CDH4: variants seen among roughly 807,000 people sequenced by gnomAD.
CDH4 encodes the protein cadherin 4.
A neutral mutation model predicts 86.0 loss-of-function variants in CDH4; 33 were observed. That is an observed-to-expected ratio of 0.38 (90% CI 0.29 to 0.51). The LOEUF is 0.51. Among genes scored for constraint, CDH4 ranks in the 20% least tolerant of loss-of-function variants. The pLI is 0.86. For missense variants in CDH4, 1,114 were observed against 1,307.4 expected, an observed-to-expected ratio of 0.85 and a Z score of 2.28; for synonymous variants, 555 against 549.4, an observed-to-expected ratio of 1.01 and a Z score of -0.14.
rs543088280 is a variant in CDH4, at chr20:61,683,490, C to T, written c.170-60073C>T. Reference sequence around the variant, plus strand: ...CGTGGAGGCCCGTGGGCAGGTGCCCCGGGAGTGCGGCCCAGGCAGATGGTA... The same window carrying T: ...CGTGGAGGCCCGTGGGCAGGTGCCCTGGGAGTGCGGCCCAGGCAGATGGTA... On this transcript the variant is annotated intron_variant, in intron 2 of 15. Transcript: ENST00000614565. Among the ~76,000 whole-genome samples the T allele has an allele frequency of 5.1e-4, 78 of 152,214 alleles. 1 individual carries two copies. The highest frequency in any genetic ancestry group is 6.8e-3 in the Middle Eastern group (2 of 294).
intron 2 of CDH4, among the ~76,000 whole-genome samples, chr20:61,279,038 TTC>T (rs1168159422): frequency 6.6e-6 from 1 of 152,232 alleles, no homozygotes; most frequent in Non-Finnish European, 1.5e-5. Context: ...TGTGGCTCCC[TTC>T]TCTCTTATTC....
chr20:61,542,720 A>T (rs2086049817), intron 2 of CDH4, among the ~76,000 whole-genome samples: 2 of 152,344 alleles, frequency 1.3e-5, no homozygotes, highest in Admixed American at 1.3e-4. Flanking sequence ...CCTCTTAATA[A>T]ATAGCTCTGG....
At chr20:61,654,174 G>A (rs1258400732) in intron 2 of CDH4, among the ~76,000 whole-genome samples, 3 of 152,206 alleles carry the variant, frequency 2.0e-5, no homozygotes, top group East Asian at 3.8e-4. Flanking sequence ...TGCAATCCCA[G>A]CACCTCGGGA....
intron 2 of CDH4, among the ~76,000 whole-genome samples, chr20:61,542,917 C>G (rs983875635): frequency 1.3e-5 from 2 of 152,240 alleles, no homozygotes; most frequent in Non-Finnish European, 2.9e-5. Flanking sequence ...AGTAGGGAAG[C>G]CGACAGTGCA....
intron 2 of CDH4, among the ~76,000 whole-genome samples, chr20:61,721,521 A>G (rs144987372): frequency 3.9e-5 from 6 of 152,368 alleles, no homozygotes; most frequent in Admixed American, 2.6e-4. Context: ...GTAAAATGTC[A>G]TATAACTTTT....
intron 2 of CDH4, chr20:61,437,473 G>A (rs1321490179): frequency 6.6e-6 from 1 of 152,196 alleles, no homozygotes; most frequent in African/African-American, 2.4e-5. Context: ...GGCACAGCAA[G>A]TCCTTGTGCC....
intron 12 of CDH4, among the ~76,000 whole-genome samples, chr20:61,929,029 GT>G (rs1182640510): frequency 6.6e-6 from 1 of 152,002 alleles, no homozygotes; most frequent in East Asian, 1.9e-4. Flanking sequence ...TGAATTGTCT[GT>G]TCAATGACTT....
At chr20:61,469,776 A>G (rs1286668970) in intron 2 of CDH4, among the ~76,000 whole-genome samples, 1 of 152,124 alleles carries the variant, frequency 6.6e-6, no homozygotes, top group Non-Finnish European at 1.5e-5. Context: ...TCTTCTGCAT[A>G]TGGATATCCA....
At chr20:61,890,254 T>G (rs1984759468) in intron 7 of CDH4, among the ~76,000 whole-genome samples, 1 of 150,450 alleles carries the variant, frequency 6.6e-6, no homozygotes, top group African/African-American at 2.5e-5. Flanking sequence ...GATGGATGCA[T>G]AGATGGATAA....
chr20:61,924,396 C>T lies in CDH4; in HGVS notation c.1691C>T (p.Thr564Ile), dbSNP rs140692690. The change falls in exon 11 of 16, where the codon ACC becomes ATC. Residue 564 changes from threonine (T) to isoleucine (I), a missense_variant. Physicochemically the swap from Thr to Ile is moderately conservative, Grantham distance 89. Transcript: ENST00000614565. ...LHINATNGQI[T>I]TAAVLDRESL... ...ATCAATGCCACCAACGGCCAGATCA[C>T]CACGGCGGCAGTGCTGGACCGTGAG... is the stretch of plus-strand genomic sequence containing the variant. 128 of 1,613,816 alleles carry T rather than the reference C, an allele frequency of 7.9e-5. No individual in the cohort carries two copies. The highest frequency in any genetic ancestry group is 9.9e-5 in the Non-Finnish European group (117 of 1,179,990).
rs185054267 is a variant in CDH4, at chr20:61,292,803, T to G, written c.169+37866T>G. 2.3e-3 allele frequency among the ~76,000 whole-genome samples: 346 copies of G among 152,374 alleles called. 1 individual carries two copies. Among genetic ancestry groups the G allele is most frequent in the African/African-American group, 7.9e-3 (328 of 41,582 alleles). ...CTGTTTTTGTTTTTGTTTTTGTTTT[T>G]GTAGCAACCTCTGTTCAATGAAGGA... On this transcript the variant is annotated intron_variant, in intron 2 of 15. Coordinates refer to ENST00000614565, the MANE Select transcript of CDH4 (RefSeq NM_001794.5).
At chr20:61,605,469 CTATT>C (rs1182613763) in intron 2 of CDH4, among the ~76,000 whole-genome samples, 3 of 151,864 alleles carry the variant, frequency 2.0e-5, no homozygotes, top group Non-Finnish European at 4.4e-5. Flanking sequence ...CTCTGTCTCT[CTATT>C]TGTCTCTCCC....
chr20:61,727,940 G>C (rs1012722768), intron 2 of CDH4, among the ~76,000 whole-genome samples: 2 of 152,328 alleles, frequency 1.3e-5, no homozygotes, highest in Non-Finnish European at 2.9e-5. Context: ...GCTGTTTGCT[G>C]TTAGGGCTAA....
At chr20:61,812,501 C>T (rs1053395248) in intron 4 of CDH4, among the ~76,000 whole-genome samples, 1 of 152,252 alleles carries the variant, frequency 6.6e-6, no homozygotes, top group Non-Finnish European at 1.5e-5. Context: ...CAGCTTCCAC[C>T]TCTCTCTTTG....
intron 2 of CDH4, among the ~76,000 whole-genome samples, chr20:61,522,371 G>A (rs1276119707): frequency 1.3e-5 from 2 of 152,206 alleles, no homozygotes; most frequent in African/African-American, 4.8e-5. Context: ...ACTGAAAACT[G>A]ATGCATGAGG....
chr20:61,253,904 G>A (rs951455902), intron 1 of CDH4, among the ~76,000 whole-genome samples: 13 of 152,198 alleles, frequency 8.5e-5, no homozygotes, highest in African/African-American at 3.1e-4. Context: ...TCCTGCGCTC[G>A]CCGGGGAGCC....
intron 4 of CDH4, among the ~76,000 whole-genome samples, chr20:61,828,814 G>C (rs1981447970): frequency 6.6e-6 from 1 of 152,238 alleles, no homozygotes; most frequent in South Asian, 2.1e-4. Context: ...GTAAAGATAA[G>C]ATAAGCAGTC....
At chr20:61,680,248 A>G (rs930791658) in intron 2 of CDH4, among the ~76,000 whole-genome samples, 1 of 152,210 alleles carries the variant, frequency 6.6e-6, no homozygotes, top group Non-Finnish European at 1.5e-5. Flanking sequence ...CTGTGTCAGG[A>G]TCCAGACCAT....
chr20:61,919,773 G>A (rs1411356392), intron 9 of CDH4, among the ~76,000 whole-genome samples: 8 of 151,914 alleles, frequency 5.3e-5, no homozygotes, highest in Non-Finnish European at 1.0e-4. Context: ...GAAGCGTGGT[G>A]TCGCGGTGAT....
Sources: gnomAD v4.1 joint callset for allele counts (sites outside exome capture counted in the v4.1 genomes callset) on GRCh38, gnomAD v4.1.1 for gene constraint, MANE v1.5 for transcripts, NCBI Gene and HGNC (gene_info 2026-07-23, HGNC 2026-07-21) for gene names.